The following UBXN8 variants were observed in gnomAD, a reference collection of about 807,000 sequenced individuals.
UBXN8 encodes UBX domain-containing protein 8.
A neutral mutation model predicts 32.1 loss-of-function variants in UBXN8; 27 were observed. The ratio of observed to expected loss-of-function variants is 0.84; its 90% CI spans 0.62 to 1.16. The LOEUF (loss-of-function observed/expected upper bound fraction) is 1.16, where lower values mean the gene tolerates loss of function less well. UBXN8 is among the 50% of genes most tolerant of loss of function. The pLI, the probability that UBXN8 is intolerant of heterozygous loss-of-function variation, is 0.00. For synonymous variants in UBXN8, 109 were observed against 111.8 expected (o/e 0.98, Z 0.16); for missense variants, 306 against 311.4 (o/e 0.98, Z 0.13).
intron 1 of UBXN8, among the ~76,000 whole-genome samples, chr8:30,735,448 T>G (rs1805050681): frequency 6.6e-6 from 1 of 152,016 alleles, no homozygotes; most frequent in Non-Finnish European, 1.5e-5. Context: ...TCCCACCCAC[T>G]CAGGAGGCTG....
chr8:30,745,781 C>CAG (rs1805344566), intron 1 of UBXN8, among the ~76,000 whole-genome samples: 1 of 152,228 alleles, frequency 6.6e-6, no homozygotes, highest in African/African-American at 2.4e-5. Flanking sequence ...CAAGGTCTTG[C>CAG]TCAGTCACCC....
chr8:30,736,655 T>G (rs1279645381), intron 1 of UBXN8, among the ~76,000 whole-genome samples: 1 of 152,152 alleles, frequency 6.6e-6, no homozygotes, highest in Non-Finnish European at 1.5e-5. Flanking sequence ...GTATTTTTAG[T>G]AGAGACAGGG....
chr8:30,737,043 G>A (rs1403179066), intron 1 of UBXN8, among the ~76,000 whole-genome samples: 1 of 151,810 alleles, frequency 6.6e-6, no homozygotes, highest in East Asian at 1.9e-4. Context: ...TTCATATAAG[G>A]GATTAATGTT....
At chr8:30,752,953 C>T in intron 2 of UBXN8, 82 bp from the exon 3 acceptor site, 2 of 1,406,986 alleles carry the variant, frequency 1.4e-6, no homozygotes, top group Non-Finnish European at 1.9e-6. Context: ...TTTTTTCTTT[C>T]TTTTGATACA....
intron 1 of UBXN8, among the ~76,000 whole-genome samples, chr8:30,746,248 C>A (rs984207427): frequency 4.0e-5 from 6 of 151,842 alleles, no homozygotes; most frequent in Non-Finnish European, 8.8e-5. Flanking sequence ...TGATTGTTTC[C>A]TTTGGATTGT....
Position 30,744,930 on chromosome 8 carries a change from C to T in UBXN8, c.88+653C>T, listed in dbSNP as rs541420750. 3.9e-5 allele frequency among the ~76,000 whole-genome samples: 6 copies of T among 152,216 alleles called. No individual in the cohort carries two copies. The East Asian group carries it at 1.2e-3, about 29-fold the overall frequency. ...TCAGGATAATGACGTTTATTGAACACCTATTATAAGCCAAACACCAGGTGC... is the reference window on the plus strand; with the variant it reads ...TCAGGATAATGACGTTTATTGAACATCTATTATAAGCCAAACACCAGGTGC... On this transcript the variant is annotated intron_variant, in intron 1 of 7. Transcript: ENST00000265616.
chr8:30,748,307 A>G (rs949428359), intron 1 of UBXN8, among the ~76,000 whole-genome samples: 3 of 150,684 alleles, frequency 2.0e-5, no homozygotes, highest in Non-Finnish European at 4.4e-5. Context: ...GATCATTTGG[A>G]AAAAATATAT....
At chr8:30,758,062 AT>A (rs1231951683) in intron 5 of UBXN8, among the ~76,000 whole-genome samples, 171 of 151,366 alleles carry the variant, frequency 1.1e-3, no homozygotes, top group Middle Eastern at 3.4e-3. Context: ...CACCCAGCTA[AT>A]TTTTTTGTAT....
intron 1 of UBXN8, among the ~76,000 whole-genome samples, chr8:30,736,182 T>C (rs1268409672): frequency 6.6e-6 from 1 of 152,154 alleles, no homozygotes. Flanking sequence ...GAACAATAAC[T>C]ATAACTAAAC....
At chr8:30,729,629 G>A (rs2955998), upstream of UBXN8, among the ~76,000 whole-genome samples, 106,652 of 152,014 alleles carry the variant, frequency 0.7, 39,391 homozygotes, top group East Asian at 0.84. Flanking sequence ...GAGGAAACAC[G>A]GGTCAGACAC....
At chr8:30,739,715 A>C (rs1251135731), upstream of UBXN8, among the ~76,000 whole-genome samples, 1 of 152,166 alleles carries the variant, frequency 6.6e-6, no homozygotes, top group Non-Finnish European at 1.5e-5. Flanking sequence ...GGATTTATGC[A>C]ATCTCCGTGA....
rs1007743421 is a variant in UBXN8 at position 30,737,872 on chromosome 8, G to A, written c.622+4564G>A. Among the ~76,000 whole-genome samples, 14 of 152,208 alleles carry A rather than the reference G, an allele frequency of 9.2e-5. 1 individual carries two copies. The highest frequency in any genetic ancestry group is 5.9e-4 in the Admixed American group (9 of 15,290). On this transcript the variant is annotated intron_variant, in intron 1 of 1. Transcript: ENST00000522968. The stretch of plus-strand genomic sequence containing the variant: ...AAACAACAACAACCAACACACACAC[G>A]TAGCCATCTTATTTTTTAGGGGGGA...
At chr8:30,756,200 G>T (rs1805654205) in intron 4 of UBXN8, 1 of 153,136 alleles carries the variant, frequency 6.5e-6, no homozygotes. Flanking sequence ...GAGTGCAGTG[G>T]TGCGATCTCA....
chr8:30,758,900 T>TTTTTTTTTTTG (rs1805746809), intron 5 of UBXN8, among the ~76,000 whole-genome samples: 13 of 122,028 alleles, frequency 1.1e-4, no homozygotes, highest in East Asian at 2.4e-4. Flanking sequence ...TTTTGTTTTT[T>TTTTTTTTTTTG]TTTTTTTTTT....
rs554289183 is a variant in UBXN8 at position 30,738,928 on chromosome 8, C to T, written c.622+5620C>T. Among the ~76,000 whole-genome samples the T allele has an allele frequency of 2.0e-5, 3 of 150,850 alleles. 1 individual carries two copies. Among genetic ancestry groups the T allele is most frequent in the South Asian group, 4.4e-4 (2 of 4,524 alleles). On this transcript the variant is annotated intron_variant, in intron 1 of 1. Transcript: ENST00000522968. ...CTGAGATTGTGCTATTGCACTCCAG[C>T]GTGGGCAACAAGAGTGAAACTCCAT...
At chr8:30,755,780 A>AT (rs1563563074) in intron 4 of UBXN8, among the ~76,000 whole-genome samples, 1 of 150,034 alleles carries the variant, frequency 6.7e-6, no homozygotes, top group African/African-American at 2.5e-5. Flanking sequence ...AAAAAAAAAA[A>AT]AGAAGACTGA....
intron 5 of UBXN8, 89 bp from the exon 6 acceptor site, chr8:30,760,799 T>G: frequency 1.3e-6 from 1 of 784,886 alleles, no homozygotes; most frequent in African/African-American, 1.8e-5. Context: ...TAGATGTGTG[T>G]CTAAACTCTG....
intron 1 of UBXN8, among the ~76,000 whole-genome samples, chr8:30,734,926 G>A (rs1172908654): frequency 6.6e-6 from 1 of 152,162 alleles, no homozygotes; most frequent in Non-Finnish European, 1.5e-5. Flanking sequence ...CTGAGCAACA[G>A]AGTGAGACCG....
At chr8:30,744,721 G>A (rs1235655606) in intron 1 of UBXN8, among the ~76,000 whole-genome samples, 1 of 152,214 alleles carries the variant, frequency 6.6e-6, no homozygotes, top group Non-Finnish European at 1.5e-5. Flanking sequence ...ACAGGCCTAC[G>A]CCACTGCGCC....
Sources: gnomAD v4.1 joint callset for allele counts (sites outside exome capture counted in the v4.1 genomes callset) on GRCh38, gnomAD v4.1.1 for gene constraint, MANE v1.5 for transcripts, NCBI Gene and HGNC (gene_info 2026-07-23, HGNC 2026-07-21) for gene names.